The following RAB12 variants were observed in gnomAD, a reference collection of about 807,000 sequenced individuals.
The protein encoded by RAB12 is RAB12, member RAS oncogene family.
In RAB12, 11 loss-of-function variants were observed where a neutral mutation model predicts 28.4. The ratio of observed to expected loss-of-function variants is 0.39; its 90% confidence interval spans 0.24 to 0.64. RAB12 has a LOEUF of 0.64. Among genes scored for constraint, RAB12 ranks in the 30% least tolerant of loss-of-function variants. The probability of loss-of-function intolerance (pLI) is 0.50; values close to 1 mark genes in which losing one functional copy is unlikely to be tolerated. For missense variants in RAB12, 276 were observed against 351.1 expected (o/e 0.79, Z 1.71); for synonymous variants, 138 against 145.3 (o/e 0.95, Z 0.36).
Position 8,619,060 on chromosome 18 carries a change from C to T in RAB12, c.515-5878C>T, listed in dbSNP as rs114008856. Among the ~76,000 whole-genome samples, 447 of 152,296 alleles carry T rather than the reference C, an allele frequency of 2.9e-3. 4 individuals carry two copies. Among genetic ancestry groups the T allele is most frequent in the African/African-American group, 0.01 (431 of 41,552 alleles). ...TATGTAAGATACATCCTTGGAAGAA[C>T]AGCCACTATATAAAACTTAAGGTCA... On this transcript the variant is annotated intron_variant, in intron 1 of 5. Transcript: ENST00000649141.
chr18:8,632,618 C>A (rs1369544563), intron 2 of RAB12, among the ~76,000 whole-genome samples: 2 of 152,168 alleles, frequency 1.3e-5, no homozygotes, highest in Non-Finnish European at 1.5e-5. Context: ...GAAATGAATT[C>A]TTTGTGGCTT....
At chr18:8,621,309 G>T (rs1326784435) in intron 1 of RAB12, among the ~76,000 whole-genome samples, 2 of 152,154 alleles carry the variant, frequency 1.3e-5, no homozygotes, top group Non-Finnish European at 2.9e-5. Flanking sequence ...GGATATTTTT[G>T]ACTTTTAATA....
At chr18:8,615,254 ACAAGT>A (rs750151989) in intron 1 of RAB12, among the ~76,000 whole-genome samples, 85 of 152,330 alleles carry the variant, frequency 5.6e-4, no homozygotes, top group Non-Finnish European at 7.8e-4. Flanking sequence ...AGGCGGCATG[ACAAGT>A]CAAATGCAGT....
intron 1 of RAB12, among the ~76,000 whole-genome samples, chr18:8,613,829 AAGTAGTAGTAGT>A (rs3050584): frequency 5.0e-4 from 75 of 148,760 alleles, no homozygotes; most frequent in East Asian, 4.0e-4. Context: ...CTATAAATAG[AAGTAGTAGTAGT>A]AGTAGTAGTA....
At chr18:8,618,858 C>T (rs988687581) in intron 1 of RAB12, among the ~76,000 whole-genome samples, 2 of 152,154 alleles carry the variant, frequency 1.3e-5, no homozygotes, top group Non-Finnish European at 2.9e-5. Flanking sequence ...TTGAACTCTT[C>T]CCCGGTAGGT....
At chr18:8,637,414 T>C (rs1025067072) in intron 5 of RAB12, among the ~76,000 whole-genome samples, 15 of 152,220 alleles carry the variant, frequency 9.9e-5, no homozygotes, top group African/African-American at 2.7e-4. Context: ...TGTGAAAATA[T>C]ATGTTTATGA....
chr18:8,638,493 T>C lies in RAB12; in HGVS notation c.*231T>C. The C allele has an allele frequency of 2.2e-6, 1 of 457,964 alleles. No individual in the cohort carries two copies. Among genetic ancestry groups the C allele is most frequent in the East Asian group, 4.0e-5 (1 of 25,158 alleles). 28.4% of individuals were successfully genotyped at this position (457,964 alleles called of 1,614,324 possible). A position where few individuals can be genotyped will look rare whatever the true frequency, so the allele number is the denominator to read the frequency against. ...TCATTACCCCAGTGTCTAGTGTACA[T>C]ACACTGGGAAACCTAGTACTTCTAA... On this transcript the variant is annotated 3_prime_UTR_variant, in exon 6 of 6. Transcript: ENST00000649141.
intron 1 of RAB12, among the ~76,000 whole-genome samples, chr18:8,617,404 A>AT (rs1158136477): frequency 6.6e-6 from 1 of 151,216 alleles, no homozygotes; most frequent in Non-Finnish European, 1.5e-5. Context: ...GTGAAGTTCA[A>AT]TTTTTTTGCA....
rs143676842 is a variant in RAB12, at chr18:8,616,025, G to A, written c.514+6072G>A. On this transcript the variant is annotated intron_variant, in intron 1 of 5. Transcript: ENST00000649141. ...TAGGTCCAAATTATTCTCTATCCTTGGGTGCCAGATACGTTGTTCCAAATA... is the reference window on the plus strand; with the variant it reads ...TAGGTCCAAATTATTCTCTATCCTTAGGTGCCAGATACGTTGTTCCAAATA... Among the ~76,000 whole-genome samples, 1,383 of 152,242 alleles carry A rather than the reference G, an allele frequency of 9.1e-3. 21 individuals carry two copies. The highest frequency in any genetic ancestry group is 0.032 in the African/African-American group (1,329 of 41,532).
At chr18:8,613,919 C>T (rs1165520379) in intron 1 of RAB12, among the ~76,000 whole-genome samples, 1 of 152,144 alleles carries the variant, frequency 6.6e-6, no homozygotes, top group Non-Finnish European at 1.5e-5. Flanking sequence ...GGCCTCATCA[C>T]AGCCCTGAAA....
chr18:8,615,712 C>G (rs75833076), intron 1 of RAB12, among the ~76,000 whole-genome samples: 272 of 152,300 alleles, frequency 1.8e-3, no homozygotes, highest in Non-Finnish European at 2.4e-3. Flanking sequence ...GACAAAACGT[C>G]CCCTTTTGTG....
At chr18:8,610,232 C>T (rs2096002964) in intron 1 of RAB12, among the ~76,000 whole-genome samples, 1 of 152,176 alleles carries the variant, frequency 6.6e-6, no homozygotes. Flanking sequence ...TCCACGGAAA[C>T]TTCGGCCCTT....
rs1287739602 is a variant in RAB12, at chr18:8,609,823, G to A, written c.384G>A (p.Arg128=). The A allele has an allele frequency of 2.0e-6, 3 of 1,516,848 alleles. No individual in the cohort carries two copies. Among genetic ancestry groups the A allele is most frequent in the Non-Finnish European group, 2.6e-6 (3 of 1,134,574 alleles). The allele number at this position is 1,516,848 out of a possible 1,614,324, so 94.0% of individuals were successfully genotyped here. Residue 128 remains arginine (R), a synonymous_variant, in exon 1 of 6, where the codon AGG becomes AGA. Transcript: ENST00000649141. ...TGTCGGGCGGCCAGGGCCGCCGGAG[G>A]AAGCAGCCCCCCAGGCCGGCCGACT... The part of the protein sequence containing the change: ...PALSGGQGRR[R]KQPPRPADFK...
chr18:8,609,663 C>T lies in RAB12; in HGVS notation c.224C>T (p.Pro75Leu), dbSNP rs1268470399. The T allele has an allele frequency of 3.4e-6, 3 of 870,778 alleles. No individual in the cohort carries two copies. Among genetic ancestry groups the T allele is most frequent in the Non-Finnish European group, 4.1e-6 (3 of 728,374 alleles). 53.9% of individuals were successfully genotyped at this position (870,778 alleles called of 1,614,324 possible). Reference sequence around the variant, plus strand: ...GCGGAGGCCGAGGGGGCGCCGGGGCCCGGGGCGCGCAGCCGGGGGGCGGGC... The same window carrying T: ...GCGGAGGCCGAGGGGGCGCCGGGGCTCGGGGCGCGCAGCCGGGGGGCGGGC... ...RAAEAEGAPG[P>L]GARSRGAGGG... is the part of the protein sequence containing the mutation. The change falls in exon 1 of 6, where the codon CCC (proline) becomes CTC (leucine). Residue 75 changes from proline to leucine, a missense_variant. Pro to Leu is a moderately conservative substitution (Grantham distance 98, BLOSUM62 -3). Around this residue, in one of 4 missense-constraint regions of RAB12, gnomAD observed 72 missense variants for 55.5 expected, o/e 1.30. Coordinates refer to ENST00000649141, the MANE Select transcript of RAB12 (RefSeq NM_001025300.3).
rs1275625638 is a variant in RAB12 at position 8,609,644 on chromosome 18, G to T, written c.205G>T (p.Ala69Ser). The T allele has an allele frequency of 2.5e-5, 18 of 713,068 alleles. No homozygotes were observed. The highest frequency in any genetic ancestry group is 3.1e-5 in the Non-Finnish European group (18 of 584,142). The allele number at this position is 713,068 out of a possible 1,614,324, so 44.2% of individuals were successfully genotyped here. Residue 69 changes from alanine to serine, a missense_variant, in exon 1 of 6, where the codon GCC (alanine) becomes TCC (serine). This residue lies in a region of RAB12 where 72 missense variants were observed against 55.5 expected (regional missense o/e 1.30). Coordinates refer to ENST00000649141, the MANE Select transcript of RAB12 (RefSeq NM_001025300.3). ...PGADPPRAAEAEGAPGPGARS... is the reference protein window; with the variant it reads ...PGADPPRAAESEGAPGPGARS... The stretch of plus-strand genomic sequence containing the variant: ...GGCCGACCCCCCGCGCGCGGCGGAG[G>T]CCGAGGGGGCGCCGGGGCCCGGGGC...
chr18:8,618,162 T>A (rs965100773), intron 1 of RAB12, among the ~76,000 whole-genome samples: 4 of 152,134 alleles, frequency 2.6e-5, no homozygotes, highest in African/African-American at 9.7e-5. Context: ...TGTCATTGTT[T>A]GTTCCAGTCA....
chr18:8,612,108 G>C (rs1345952852), intron 1 of RAB12, among the ~76,000 whole-genome samples: 1 of 152,238 alleles, frequency 6.6e-6, no homozygotes, highest in Non-Finnish European at 1.5e-5. Flanking sequence ...TGGGGATTCA[G>C]TGGTAAACAG....
chr18:8,637,191 G>A (rs2148712616), intron 5 of RAB12, among the ~76,000 whole-genome samples: 1 of 151,802 alleles, frequency 6.6e-6, no homozygotes, highest in African/African-American at 2.4e-5. Context: ...GATTGCTTGA[G>A]CCCAGGAATT....
chr18:8,610,344 C>A (rs941249145), intron 1 of RAB12, among the ~76,000 whole-genome samples: 3 of 152,236 alleles, frequency 2.0e-5, no homozygotes, highest in African/African-American at 7.2e-5. Flanking sequence ...GGCCAGCGCG[C>A]GCCGTCTGCT....
Sources: allele counts gnomAD v4.1 joint callset (sites outside exome capture counted in the v4.1 genomes callset), GRCh38; gene constraint gnomAD v4.1.1; regional missense constraint gnomAD v4.1.1; transcripts MANE v1.5; gene names NCBI Gene and HGNC (gene_info 2026-07-23, HGNC 2026-07-21).